The following MED13L variants were observed in gnomAD, a reference collection of about 807,000 sequenced individuals.
MED13L encodes mediator of RNA polymerase II transcription subunit 13-like.
MED13L carries 7 observed loss-of-function variants against 220.9 expected under a neutral mutation model. That is an observed-to-expected ratio of 0.03 (90% confidence interval 0.02 to 0.06). The LOEUF (loss-of-function observed/expected upper bound fraction) is 0.06. MED13L is among the 10% of genes least tolerant of loss of function. The pLI, the probability that MED13L is intolerant of heterozygous loss-of-function variation, is 1.00. For missense variants in MED13L, 1,965 were observed against 2,760.5 expected, an observed-to-expected ratio of 0.71 and a Z score of 6.46; for synonymous variants, 1,011 against 1,015.2, an observed-to-expected ratio of 1.00 and a Z score of 0.08.
intron 2 of MED13L, among the ~76,000 whole-genome samples, chr12:116,151,786 G>A (rs891415801): frequency 2.6e-5 from 4 of 152,102 alleles, no homozygotes; most frequent in Non-Finnish European, 4.4e-5. Flanking sequence ...AAAGACAGAG[G>A]GGCAAAAGGT....
intron 3 of MED13L, among the ~76,000 whole-genome samples, chr12:116,103,845 A>G (rs773408945): frequency 9.2e-5 from 14 of 152,134 alleles, no homozygotes; most frequent in Admixed American, 3.3e-4. Context: ...ATTGGTATTT[A>G]TTGATTACTC....
chr12:116,235,299 TTATTC>T (rs1869976412), intron 2 of MED13L, among the ~76,000 whole-genome samples: 1 of 152,196 alleles, frequency 6.6e-6, no homozygotes, highest in African/African-American at 2.4e-5. Context: ...GAAATTATAA[TTATTC>T]CATTACTGTA....
At chr12:116,091,991 G>C (rs1191159763) in intron 4 of MED13L, among the ~76,000 whole-genome samples, 5 of 152,098 alleles carry the variant, frequency 3.3e-5, no homozygotes, top group Non-Finnish European at 5.9e-5. Flanking sequence ...TCAAATGGCA[G>C]AATACTGTAA....
intron 9 of MED13L, among the ~76,000 whole-genome samples, chr12:116,010,562 G>A (rs947899986): frequency 1.3e-5 from 2 of 152,166 alleles, no homozygotes; most frequent in African/African-American, 4.8e-5. Flanking sequence ...GTAGGTAGGA[G>A]AGAATCACAG....
intron 28 of MED13L, among the ~76,000 whole-genome samples, chr12:115,967,396 C>T (rs1876256102): frequency 6.6e-6 from 1 of 152,110 alleles, no homozygotes; most frequent in Admixed American, 6.5e-5. Flanking sequence ...CACCTGGCTG[C>T]AGGTGCTCAG....
chr12:116,089,937 C>T (rs76130193), intron 4 of MED13L, among the ~76,000 whole-genome samples: 7,645 of 152,220 alleles, frequency 0.05, 270 homozygotes, highest in Non-Finnish European at 0.08. Context: ...GAGGATAAGA[C>T]ATTCCTTTTT....
intron 2 of MED13L, among the ~76,000 whole-genome samples, chr12:116,196,792 T>TA (rs1441012197): frequency 1.3e-5 from 2 of 152,224 alleles, no homozygotes; most frequent in African/African-American, 4.8e-5. Context: ...CTGATGGTTT[T>TA]ATCTAAACTA....
intron 4 of MED13L, among the ~76,000 whole-genome samples, chr12:116,043,235 C>G (rs1231348076): frequency 6.6e-6 from 1 of 152,068 alleles, no homozygotes; most frequent in African/African-American, 2.4e-5. Flanking sequence ...GTACATAAAA[C>G]CACAATAAGC....
chr12:116,020,022 AC>A, intron 5 of MED13L, 50 bp from the exon 6 acceptor site: 1 of 1,510,602 alleles, frequency 6.6e-7, no homozygotes, highest in Non-Finnish European at 9.2e-7. Flanking sequence ...AATAATTCCT[AC>A]TTAAGTGCAA....
intron 3 of MED13L, among the ~76,000 whole-genome samples, chr12:116,108,944 A>G (rs1052386533): frequency 6.6e-6 from 1 of 152,092 alleles, no homozygotes; most frequent in African/African-American, 2.4e-5. Flanking sequence ...TTAAATGTTA[A>G]CTAAGGCTTA....
At chr12:116,013,860 C>T (rs764081439) in intron 8 of MED13L, among the ~76,000 whole-genome samples, 26 of 152,160 alleles carry the variant, frequency 1.7e-4, no homozygotes, top group Non-Finnish European at 3.4e-4. Context: ...GTCTCATCTC[C>T]CTGTTCTGTA....
At chr12:116,215,285 C>A (rs1246148309) in intron 2 of MED13L, among the ~76,000 whole-genome samples, 1 of 152,006 alleles carries the variant, frequency 6.6e-6, no homozygotes, top group Non-Finnish European at 1.5e-5. Flanking sequence ...GGTGACAAAA[C>A]CATATTACAT....
At chr12:116,045,052 T>G (rs532015754) in intron 4 of MED13L, among the ~76,000 whole-genome samples, 22 of 152,032 alleles carry the variant, frequency 1.4e-4, no homozygotes, top group African/African-American at 5.3e-4. Context: ...ATCCAAGGAG[T>G]TAAATGCAAG....
At chr12:116,123,448 C>T (rs1875267890) in intron 2 of MED13L, among the ~76,000 whole-genome samples, 1 of 152,112 alleles carries the variant, frequency 6.6e-6, no homozygotes, top group South Asian at 2.1e-4. Flanking sequence ...TCCTCTAGGA[C>T]AATGATTTTA....
intron 2 of MED13L, among the ~76,000 whole-genome samples, chr12:116,231,893 G>A (rs925368750): frequency 3.2e-4 from 49 of 152,166 alleles, no homozygotes; most frequent in African/African-American, 1.1e-3. Flanking sequence ...CTTGCTTGGA[G>A]TTATCTAAAC....
intron 23 of MED13L, 166 bp downstream of exon 23, chr12:115,980,584 A>G: frequency 2.7e-6 from 2 of 748,132 alleles, no homozygotes; most frequent in Non-Finnish European, 2.3e-6. Flanking sequence ...TCAGCCTCCG[A>G]AAGTGCTAAG....
At chr12:116,067,782 A>G (rs188989267) in intron 4 of MED13L, among the ~76,000 whole-genome samples, 107 of 152,350 alleles carry the variant, frequency 7.0e-4, no homozygotes, top group African/African-American at 2.3e-3. Flanking sequence ...TAAAATGAAC[A>G]TAACAATCCT....
At chr12:116,247,574 T>C (rs1351382393) in intron 1 of MED13L, among the ~76,000 whole-genome samples, 3 of 152,314 alleles carry the variant, frequency 2.0e-5, no homozygotes, top group Middle Eastern at 6.8e-3. Flanking sequence ...ATTCCCTGTG[T>C]AGATGGGCTG....
At chr12:116,071,748 T>C (rs1035594209) in intron 4 of MED13L, among the ~76,000 whole-genome samples, 3 of 152,228 alleles carry the variant, frequency 2.0e-5, no homozygotes, top group Non-Finnish European at 4.4e-5. Context: ...ATTACATATG[T>C]ATATGCACCG....
Sources: gnomAD v4.1 joint callset for allele counts (sites outside exome capture counted in the v4.1 genomes callset) on GRCh38, gnomAD v4.1.1 for gene constraint, MANE v1.5 for transcripts, NCBI Gene and HGNC (gene_info 2026-07-23, HGNC 2026-07-21) for gene names.